COG1: variants seen among roughly 807,000 people sequenced by gnomAD.
COG1 encodes the protein component of oligomeric golgi complex 1, also known as conserved oligomeric Golgi complex subunit 1.
A neutral mutation model predicts 102.2 loss-of-function variants in COG1; 61 were observed. The observed-to-expected ratio is 0.60, with a 90% CI of 0.49 to 0.74. COG1 has a LOEUF of 0.74. Ranked by LOEUF, COG1 falls within the 30% of genes least tolerant of loss-of-function variation. COG1 has a pLI of 0.00. For missense variants in COG1, 1,164 were observed against 1,232.1 expected (o/e 0.94, Z 0.83); for synonymous variants, 454 against 493.6 (o/e 0.92, Z 1.06).
intron 1 of COG1, among the ~76,000 whole-genome samples, chr17:73,194,160 T>TTTTTTTTTTTTTTTAGAC (rs1401190625): frequency 1.4e-5 from 2 of 147,258 alleles, no homozygotes; most frequent in South Asian, 2.4e-4. Context: ...GAATTTTTAT[T>TTTTTTTTTTTTTTTAGAC]GGCCGGGTGC....
At chr17:73,203,364 C>G in intron 8 of COG1, 1 of 725,636 alleles carries the variant, frequency 1.4e-6, no homozygotes, top group Non-Finnish European at 2.3e-6. Flanking sequence ...AGGCTCTGTG[C>G]TAATTAGGGA....
At chr17:73,200,321 G>A (rs922799395) in intron 5 of COG1, among the ~76,000 whole-genome samples, 2 of 152,124 alleles carry the variant, frequency 1.3e-5, no homozygotes, top group African/African-American at 2.4e-5. Context: ...AAGCCATTCC[G>A]CAGGGTCCAG....
chr17:73,205,131 C>G (rs1339171054), intron 9 of COG1: 2 of 268,048 alleles, frequency 7.5e-6, no homozygotes, highest in Admixed American at 1.0e-4. Context: ...TCACTGCACT[C>G]CAGCCTGGGC....
In COG1 at chr17:73,193,268, G is replaced by T. The variant is rs1249777389; in HGVS notation, c.199G>T (p.Gly67Cys). 2 of 1,605,690 alleles carry T rather than the reference G, an allele frequency of 1.2e-6. No individual in the cohort carries two copies. Among genetic ancestry groups the T allele is most frequent in the African/African-American group, 2.7e-5 (2 of 74,806 alleles). Residue 67 changes from glycine (G) to cysteine (C), a missense_variant, in exon 1 of 14, where the codon GGC becomes TGC. Gly to Cys is a radical substitution (Grantham distance 159, BLOSUM62 -3). Coordinates refer to ENST00000299886, the MANE Select transcript of COG1 (RefSeq NM_018714.3). ...RDLIEAADTI[G>C]QMRRCAVGLV... is the part of the protein sequence containing the mutation. Reference sequence around the variant, plus strand: ...CCTGATCGAGGCGGCCGACACCATCGGCCAGATGCGCCGCTGCGCCGTGGG... The same window carrying T: ...CCTGATCGAGGCGGCCGACACCATCTGCCAGATGCGCCGCTGCGCCGTGGG...
rs569505928 is a variant in COG1 at position 73,193,259 on chromosome 17, G to T, written c.190G>T (p.Asp64Tyr). 1.4e-5 allele frequency: 22 copies of T among 1,607,274 alleles called. No homozygotes were observed. Among genetic ancestry groups the T allele is most frequent in the Non-Finnish European group, 1.9e-5 (22 of 1,177,718 alleles). Residue 64 changes from aspartate (D) to tyrosine (Y), a missense_variant, in exon 1 of 14, where the codon GAC becomes TAC. Asp to Tyr is a radical substitution (Grantham distance 160). Transcript: ENST00000299886. Reference protein sequence around the residue: ...ERYRDLIEAADTIGQMRRCAV... With the variant: ...ERYRDLIEAAYTIGQMRRCAV... ...GTACCGCGACCTGATCGAGGCGGCC[G>T]ACACCATCGGCCAGATGCGCCGCTG... is the stretch of plus-strand genomic sequence containing the variant.
rs1246795452 is a variant in COG1 at position 73,197,525 on chromosome 17, C to G, written c.913+129C>G. ...GTGAACTGGACAAATAGAGGCCCTT[C>G]CTTCATCGAGGCCACAGTTGAGTGG... On this transcript the variant is annotated intron_variant, in intron 4 of 13. Transcript: ENST00000299886. 14 of 967,944 alleles carry G rather than the reference C, an allele frequency of 1.4e-5. No individual in the cohort carries two copies. In the Admixed American group the frequency reaches 2.2e-4, roughly 15 times the overall value. The allele number at this position is 967,944 out of a possible 1,614,324, so 60.0% of individuals were successfully genotyped here.
Position 73,208,332 on chromosome 17 carries a change from T to G in COG1, c.2824T>G (p.Ser942Ala). Residue 942 changes from serine to alanine, a missense_variant, in exon 14 of 14, where the codon TCC (serine) becomes GCC (alanine). By Grantham distance (99) the Ser-to-Ala change is moderately conservative (BLOSUM62 1). Coordinates refer to ENST00000299886, the MANE Select transcript of COG1 (RefSeq NM_018714.3). ...TKAQVVPPAR[S>A]TAGDPTVPGS... ...ATGGCAGGTTGTCCCCCCGGCACGCTCCACAGCTGGTGACCCGACAGTTCC... is the reference window on the plus strand; with the variant it reads ...ATGGCAGGTTGTCCCCCCGGCACGCGCCACAGCTGGTGACCCGACAGTTCC... The G allele has an allele frequency of 6.2e-7, 1 of 1,613,978 alleles. No homozygotes were observed. The highest frequency in any genetic ancestry group is 8.5e-7 in the Non-Finnish European group (1 of 1,180,008).
chr17:73,196,618 G>T lies in COG1; in HGVS notation c.427G>T (p.Ala143Ser). The change falls in exon 2 of 14, where the codon GCC (alanine) becomes TCC (serine). Residue 143 changes from alanine to serine, a missense_variant. Coordinates refer to ENST00000299886, the MANE Select transcript of COG1 (RefSeq NM_018714.3). ...GATGGAAGCCTCTCAGTGTCTCCAC[G>T]CCACACAGCTCTACCTGCTCTGCTG... ...SSMEASQCLH[A>S]TQLYLLCCHL... 6.2e-7 allele frequency: 1 copy of T among 1,614,166 alleles called. No homozygotes were observed. Among genetic ancestry groups the T allele is most frequent in the Non-Finnish European group, 8.5e-7 (1 of 1,180,034 alleles).
In COG1 at chr17:73,193,273, G is replaced by C. The variant is rs1201307638; in HGVS notation, c.204G>C (p.Gln68His). 1.2e-6 allele frequency: 2 copies of C among 1,605,192 alleles called. No homozygotes were observed. Among genetic ancestry groups the C allele is most frequent in the South Asian group, 2.2e-5 (2 of 89,620 alleles). Residue 68 changes from glutamine to histidine, a missense_variant, in exon 1 of 14, where the codon CAG becomes CAC. Physicochemically the swap from Gln to His is conservative, Grantham distance 24. Coordinates refer to ENST00000299886, the MANE Select transcript of COG1 (RefSeq NM_018714.3). ...TCGAGGCGGCCGACACCATCGGCCA[G>C]ATGCGCCGCTGCGCCGTGGGGCTAG... ...DLIEAADTIGQMRRCAVGLVD... is the reference protein window; with the variant it reads ...DLIEAADTIGHMRRCAVGLVD...
intron 1 of COG1, 61 bp downstream of exon 1, chr17:73,193,445 A>G: frequency 7.3e-7 from 1 of 1,369,398 alleles, no homozygotes; most frequent in South Asian, 1.7e-5. Context: ...CTGGCCTTGC[A>G]GGTCAACCCC....
intron 4 of COG1, among the ~76,000 whole-genome samples, chr17:73,199,300 T>A (rs2061337009): frequency 6.7e-6 from 1 of 150,334 alleles, no homozygotes; most frequent in African/African-American, 2.5e-5. Context: ...TACCTTTTGC[T>A]TTTTTGACAA....
intron 4 of COG1, among the ~76,000 whole-genome samples, chr17:73,198,908 CAG>C (rs924339678): frequency 3.7e-4 from 56 of 152,294 alleles, no homozygotes; most frequent in African/African-American, 1.3e-3. Context: ...TGGCTGTTTC[CAG>C]AGAGAGGTGC....
chr17:73,201,237 C>G lies in COG1; in HGVS notation c.1410C>G (p.Asn470Lys). ...PSNKHIHFEYNMSLFLWSESP... is the reference protein window; with the variant it reads ...PSNKHIHFEYKMSLFLWSESP... ...ATAAGCACATCCACTTTGAGTACAA[C>G]ATGTCGCTCTTCCTCTGGTCTGAGA... Residue 470 changes from asparagine to lysine, a missense_variant, in exon 7 of 14, where the codon AAC becomes AAG. Asn to Lys is a moderately conservative substitution (Grantham distance 94). Transcript: ENST00000299886. 1 of 1,614,246 alleles carries G rather than the reference C, an allele frequency of 6.2e-7. No individual in the cohort carries two copies. Among genetic ancestry groups the G allele is most frequent in the African/African-American group, 1.3e-5 (1 of 75,062 alleles).
In COG1 at chr17:73,201,888, T is replaced by A; in HGVS notation, c.2061T>A (p.Ser687Arg). 1 of 1,614,108 alleles carries A rather than the reference T, an allele frequency of 6.2e-7. No homozygotes were observed. Residue 687 changes from serine to arginine, a missense_variant, in exon 7 of 14, where the codon AGT (serine) becomes AGA (arginine). Coordinates refer to ENST00000299886, the MANE Select transcript of COG1 (RefSeq NM_018714.3). The stretch of plus-strand genomic sequence containing the variant: ...TGATGGGCTACCAGGTCTGGAGCAG[T>A]GCAGTTGTGAAAGTGAGTGATGTAA... ...QSVMGYQVWS[S>R]AVVKVLIHGF...
intron 7 of COG1, 54 bp from the exon 8 acceptor site, chr17:73,202,946 A>T: frequency 6.3e-7 from 1 of 1,599,132 alleles, no homozygotes; most frequent in Non-Finnish European, 8.6e-7. Flanking sequence ...TGTTTTAAAG[A>T]AACTCTACAG....
At chr17:73,203,860 G>C in intron 9 of COG1, 67 bp downstream of exon 9, 10 of 1,573,518 alleles carry the variant, frequency 6.4e-6, no homozygotes, top group Non-Finnish European at 8.7e-6. Flanking sequence ...GCATTGTCTT[G>C]GGTTTGAGCA....
At chr17:73,207,148 T>G (rs1405326809) in intron 12 of COG1, 33 bp from the exon 13 acceptor site, 3 of 1,583,718 alleles carry the variant, frequency 1.9e-6, no homozygotes, top group Admixed American at 1.7e-5. Flanking sequence ...GCTGCCTGTT[T>G]GTGCTACTAA....
rs752575610 is a variant in COG1 at position 73,200,687 on chromosome 17, A to T, written c.1192A>T (p.Ser398Cys). ...ELLTNESTNH[S>C]WDVLCRRLLE... Reference sequence around the variant, plus strand: ...ACTTACCAATGAGTCCACCAATCACAGCTGGGATGTGCTATGTCGGCGGCT... The same window carrying T: ...ACTTACCAATGAGTCCACCAATCACTGCTGGGATGTGCTATGTCGGCGGCT... Residue 398 changes from serine to cysteine, a missense_variant, in exon 6 of 14, where the codon AGC becomes TGC. Coordinates refer to ENST00000299886, the MANE Select transcript of COG1 (RefSeq NM_018714.3). The T allele has an allele frequency of 1.9e-6, 3 of 1,614,080 alleles. No homozygotes were observed. The highest frequency in any genetic ancestry group is 2.5e-6 in the Non-Finnish European group (3 of 1,180,026).
intron 13 of COG1, chr17:73,207,986 T>TG (rs2145110820): frequency 7.9e-7 from 1 of 1,270,542 alleles, no homozygotes; most frequent in African/African-American, 1.5e-5. Context: ...GCATGGGCTA[T>TG]GTTGCAGCCT....
Sources: gnomAD v4.1 joint callset for allele counts (sites outside exome capture counted in the v4.1 genomes callset) on GRCh38, gnomAD v4.1.1 for gene constraint, MANE v1.5 for transcripts, NCBI Gene and HGNC (gene_info 2026-07-23, HGNC 2026-07-21) for gene names.